Variants in CELSR1 observed in about 807,000 individuals in gnomAD.
CELSR1 encodes the protein adhesion G protein-coupled receptor C1.
In CELSR1, 110 loss-of-function variants were observed where a neutral mutation model predicts 249.1. The observed-to-expected ratio is 0.44, with a 90% CI of 0.38 to 0.52. The LOEUF (loss-of-function observed/expected upper bound fraction) is 0.52, where lower values mean the gene tolerates loss of function less well. CELSR1 is among the 20% of genes least tolerant of loss of function. CELSR1 has a pLI of 0.00. For synonymous variants in CELSR1, 2,113 were observed against 1,900.0 expected (o/e 1.11, Z -2.92); for missense variants, 4,109 against 4,296.4 (o/e 0.96, Z 1.22).
At chr22:46,520,989 A>G (rs1476969652) in intron 1 of CELSR1, among the ~76,000 whole-genome samples, 2 of 152,172 alleles carry the variant, frequency 1.3e-5, no homozygotes, top group Non-Finnish European at 2.9e-5. Flanking sequence ...TGTGCTTTTC[A>G]GTCTTGCTTA....
chr22:46,387,430 G>C (rs1333384090), intron 18 of CELSR1, among the ~76,000 whole-genome samples: 1 of 152,094 alleles, frequency 6.6e-6, no homozygotes, highest in Non-Finnish European at 1.5e-5. Context: ...GTCCAGCCTG[G>C]AGTGCAGTGG....
At chr22:46,415,350 A>G (rs1294382239) in intron 5 of CELSR1, among the ~76,000 whole-genome samples, 3 of 152,124 alleles carry the variant, frequency 2.0e-5, no homozygotes, top group Admixed American at 2.0e-4. Context: ...GGGTTTCACC[A>G]TGATGGCCAG....
At position 46,393,019 on chromosome 22, in the gene CELSR1, G is replaced by C. The variant is rs1602069717; in HGVS notation, c.5964+1123C>G. Reference sequence around the variant, plus strand: ...TTAATTTGAGCCTTTCAGGACACAAGTCCCATTTGCTGTTGGAACCACCGC... The same window carrying C: ...TTAATTTGAGCCTTTCAGGACACAACTCCCATTTGCTGTTGGAACCACCGC... On this transcript the variant is annotated intron_variant, in intron 14 of 34. Coordinates refer to ENST00000674500, the MANE Select transcript of CELSR1 (RefSeq NM_001378328.1). The surrounding 1 kb of genome is among the most constrained non-coding windows in gnomAD (Gnocchi z 4.1). 2.0e-5 allele frequency among the ~76,000 whole-genome samples: 3 copies of C among 152,198 alleles called. No homozygotes were observed. The highest frequency in any genetic ancestry group is 2.1e-4 in the South Asian group (1 of 4,836).
intron 2 of CELSR1, among the ~76,000 whole-genome samples, chr22:46,456,534 G>A (rs568862918): frequency 1.3e-4 from 20 of 151,944 alleles, no homozygotes; most frequent in Admixed American, 4.6e-4. Flanking sequence ...GTGGTGGTGG[G>A]CACCTGTAGT....
Position 46,436,350 on chromosome 22 carries a change from G to A in CELSR1, c.4407-61C>T. On this transcript the variant is annotated intron_variant, in intron 3 of 34. Transcript: ENST00000674500. This position sits in a 1 kb window ranked among gnomAD's most constrained non-coding sequence, Gnocchi z 5.9. The stretch of plus-strand genomic sequence containing the variant: ...GACCCCAGGGTCCAAAGGCTGCCTA[G>A]GAATGACAAGTCCAGCCGGAGGAGG... 1 of 1,305,336 alleles carries A rather than the reference G, an allele frequency of 7.7e-7. No individual in the cohort carries two copies. Among genetic ancestry groups the A allele is most frequent in the Non-Finnish European group, 1.1e-6 (1 of 907,992 alleles). 80.9% of individuals were successfully genotyped at this position (1,305,336 alleles called of 1,614,324 possible).
chr22:46,511,167 C>T (rs1431475222), intron 1 of CELSR1, among the ~76,000 whole-genome samples: 1 of 152,186 alleles, frequency 6.6e-6, no homozygotes, highest in Non-Finnish European at 1.5e-5. Context: ...GTTTTCTTCA[C>T]ATTATAGACC....
At chr22:46,377,696 G>A (rs903030517) in intron 23 of CELSR1, 6 of 196,396 alleles carry the variant, frequency 3.1e-5, no homozygotes, top group Middle Eastern at 2.1e-3. Flanking sequence ...CACTGACCCC[G>A]TCTCCAGGCT....
chr22:46,444,145 T>C (rs1486389469), intron 2 of CELSR1, among the ~76,000 whole-genome samples: 1 of 152,166 alleles, frequency 6.6e-6, no homozygotes, highest in East Asian at 1.9e-4. Flanking sequence ...CCACGTAGCT[T>C]CCCGGTCCCA....
chr22:46,389,393 T>C lies in CELSR1; in HGVS notation c.6452A>G (p.Asn2151Ser), dbSNP rs748632416. ...CAGCTGGTAGGCCGTGCGCACGTCA[T>C]TGCCAAAGAGCGTGCCCGTGTGCTG... is the stretch of plus-strand genomic sequence containing the variant. ...ATQHTGTLFG[N>S]DVRTAYQLLG... is the part of the protein sequence containing the mutation. The change falls in exon 18 of 35, where the codon AAT becomes AGT. Residue 2151 changes from asparagine to serine, a missense_variant. Around this residue, in one of 7 missense-constraint regions of CELSR1, gnomAD observed 1,805 missense variants for 1,831.6 expected, o/e 0.99. Coordinates refer to ENST00000674500, the MANE Select transcript of CELSR1 (RefSeq NM_001378328.1). The C allele has an allele frequency of 1.9e-6, 3 of 1,612,072 alleles. No homozygotes were observed. Among genetic ancestry groups the C allele is most frequent in the Admixed American group, 1.7e-5 (1 of 60,014 alleles).
At chr22:46,382,812 C>T (rs6008786) in intron 20 of CELSR1, among the ~76,000 whole-genome samples, 2,573 of 152,246 alleles carry the variant, frequency 0.017, 80 homozygotes, top group African/African-American at 0.058. Flanking sequence ...GGACAAATAT[C>T]GTGTGACTCC....
chr22:46,363,016 G>T lies in CELSR1; in HGVS notation c.*207C>A. On this transcript the variant is annotated 3_prime_UTR_variant, in exon 35 of 35. Transcript: ENST00000674500. The surrounding 1 kb of genome is among the most constrained non-coding windows in gnomAD (Gnocchi z 4.3). ...TGTCACCAGGTCTGACAGGCCCTGA[G>T]CTCCTGGGAGAACCAAGACCTTTGT... is the stretch of plus-strand genomic sequence containing the variant. 1.9e-6 allele frequency: 2 copies of T among 1,045,084 alleles called. No individual in the cohort carries two copies. The highest frequency in any genetic ancestry group is 2.8e-6 in the Non-Finnish European group (2 of 707,790). The allele number at this position is 1,045,084 out of a possible 1,614,324, so 64.7% of individuals were successfully genotyped here.
At chr22:46,372,485 C>A (rs1368510104) in intron 25 of CELSR1, among the ~76,000 whole-genome samples, 1 of 115,146 alleles carries the variant, frequency 8.7e-6, no homozygotes, top group South Asian at 3.6e-4. Context: ...CACTCGCTTA[C>A]CCCCCATCCA....
intron 1 of CELSR1, among the ~76,000 whole-genome samples, chr22:46,529,261 A>T (rs970806931): frequency 1.3e-5 from 2 of 151,722 alleles, no homozygotes; most frequent in Admixed American, 1.3e-4. Context: ...GTGAGACTCC[A>T]TTTCAAAAAA....
chr22:46,521,799 A>T (rs2080688940), intron 1 of CELSR1, among the ~76,000 whole-genome samples: 1 of 152,262 alleles, frequency 6.6e-6, no homozygotes. Context: ...CCTGGGCAAC[A>T]GAGTGAGACT....
rs764556274 is a variant in CELSR1, at chr22:46,439,224, G to A, written c.4371C>T (p.Gly1457=). The A allele has an allele frequency of 3.7e-6, 6 of 1,614,034 alleles. No homozygotes were observed. Among genetic ancestry groups the A allele is most frequent in the South Asian group, 3.3e-5 (3 of 91,078 alleles). ...FPPQSFVTFR[G]LRQRFHFTIS... ...TGGTGAAGTGGAAGCGCTGTCTCAG[G>A]CCCCGGAAGGTGACGAAGGACTGGG... The change falls in exon 3 of 35, where the codon GGC becomes GGT. Residue 1457 remains glycine, a synonymous_variant. Coordinates refer to ENST00000674500, the MANE Select transcript of CELSR1 (RefSeq NM_001378328.1).
intron 1 of CELSR1, among the ~76,000 whole-genome samples, chr22:46,496,627 ATT>A (rs55785020): frequency 0.67 from 101,077 of 150,820 alleles, 34,808 homozygotes; most frequent in East Asian, 0.97. Flanking sequence ...TTATCTATTA[ATT>A]TTTTTTTTTT....
chr22:46,374,593 G>A lies in CELSR1; in HGVS notation c.7585-1536C>T, dbSNP rs2078897141. 6.6e-6 allele frequency among the ~76,000 whole-genome samples: 1 copy of A among 152,166 alleles called. No homozygotes were observed. Among genetic ancestry groups the A allele is most frequent in the South Asian group, 2.1e-4 (1 of 4,822 alleles). On this transcript the variant is annotated intron_variant, in intron 24 of 34. Coordinates refer to ENST00000674500, the MANE Select transcript of CELSR1 (RefSeq NM_001378328.1). The surrounding 1 kb of genome is among the most constrained non-coding windows in gnomAD (Gnocchi z 4.3). ...TCAGCCGTGCGTGGCTGCCGGGACA[G>A]CGCTCACTCCGGCAGGCGACGAGTC...
chr22:46,379,274 G>A (rs1002573191), intron 22 of CELSR1, among the ~76,000 whole-genome samples: 1 of 152,156 alleles, frequency 6.6e-6, no homozygotes, highest in African/African-American at 2.4e-5. Context: ...TTACTGATGG[G>A]AAGCCCCAAA....
intron 24 of CELSR1, among the ~76,000 whole-genome samples, chr22:46,376,268 G>A (rs1055882375): frequency 1.3e-5 from 2 of 152,182 alleles, no homozygotes; most frequent in African/African-American, 2.4e-5. Flanking sequence ...TTTTTAAAAT[G>A]TTAAACCATC....
Sources: allele counts gnomAD v4.1 joint callset (sites outside exome capture counted in the v4.1 genomes callset), GRCh38; gene constraint gnomAD v4.1.1; regional missense constraint gnomAD v4.1.1; non-coding constraint Gnocchi (gnomAD v3.1); transcripts MANE v1.5; gene names NCBI Gene and HGNC (gene_info 2026-07-23, HGNC 2026-07-21).